The following OSBPL1A variants were observed in gnomAD, a reference collection of about 807,000 sequenced individuals.
The protein encoded by OSBPL1A is oxysterol-binding protein-related protein 1.
OSBPL1A carries 80 observed loss-of-function variants against 137.1 expected under a neutral mutation model. The observed-to-expected ratio is 0.58, with a 90% confidence interval of 0.49 to 0.70. The LOEUF is 0.70. Ranked by LOEUF, OSBPL1A falls within the 30% of genes least tolerant of loss-of-function variation. The pLI is 0.00. For missense variants in OSBPL1A, 970 were observed against 1,129.4 expected, an observed-to-expected ratio of 0.86 and a Z score of 2.02; for synonymous variants, 365 against 389.7, an observed-to-expected ratio of 0.94 and a Z score of 0.75.
At chr18:24,351,347 C>CAAAAAAAAAAAAAAAA (rs1172514692) in intron 4 of OSBPL1A, among the ~76,000 whole-genome samples, 370 of 35,708 alleles carry the variant, frequency 0.01, 20 homozygotes, top group East Asian at 0.04. Context: ...GACTCTGTCT[C>CAAAAAAAAAAAAAAAA]AAAAAAAAAA....
rs758311969 is a variant in OSBPL1A at position 24,178,214 on chromosome 18, A to G, written c.1911-19T>C. 1.8e-5 allele frequency: 28 copies of G among 1,519,204 alleles called. No individual in the cohort carries two copies. Among genetic ancestry groups the G allele is most frequent in the African/African-American group, 8.5e-5 (6 of 70,632 alleles). 94.1% of individuals were successfully genotyped at this position (1,519,204 alleles called of 1,614,324 possible). ...GTCATCTCTTAAGATTTAAAAAAAA[A>G]AAAAAAGAAAAAAAAAAGCAACATT... On this transcript the variant is annotated intron_variant, in intron 20 of 27. Coordinates refer to ENST00000319481, the MANE Select transcript of OSBPL1A (RefSeq NM_080597.4).
intron 7 of OSBPL1A, among the ~76,000 whole-genome samples, chr18:24,332,191 C>A (rs1038270057): frequency 1.3e-5 from 2 of 151,676 alleles, no homozygotes; most frequent in African/African-American, 2.4e-5. Context: ...GCCTGGCCAA[C>A]ATGGTGAAAC....
chr18:24,382,968 T>C (rs1302489547), intron 1 of OSBPL1A, among the ~76,000 whole-genome samples: 1 of 152,206 alleles, frequency 6.6e-6, no homozygotes, highest in Non-Finnish European at 1.5e-5. Flanking sequence ...ATGGTACTTA[T>C]ATAGATTAAG....
chr18:24,380,839 C>A (rs1044574298), intron 1 of OSBPL1A, among the ~76,000 whole-genome samples: 1 of 151,854 alleles, frequency 6.6e-6, no homozygotes, highest in Non-Finnish European at 1.5e-5. Flanking sequence ...GTAATCCCAG[C>A]TACTTGGGAG....
At chr18:24,272,185 C>T in intron 15 of OSBPL1A, 1 of 983,728 alleles carries the variant, frequency 1.0e-6, no homozygotes, top group Non-Finnish European at 1.2e-6. Context: ...CCTGCGAGGT[C>T]CTAGAGCTGC....
intron 14 of OSBPL1A, among the ~76,000 whole-genome samples, chr18:24,293,654 A>G (rs1329465311): frequency 6.6e-6 from 1 of 152,212 alleles, no homozygotes; most frequent in African/African-American, 2.4e-5. Flanking sequence ...ACAGCACACG[A>G]AAGGCCACTG....
intron 4 of OSBPL1A, among the ~76,000 whole-genome samples, chr18:24,365,038 A>C (rs1209057248): frequency 1.5e-4 from 23 of 151,804 alleles, no homozygotes; most frequent in African/African-American, 5.6e-4. Context: ...AAAAAAAAAA[A>C]AAAAAAAAAA....
chr18:24,311,971 T>A lies in OSBPL1A; in HGVS notation c.1092+13A>T. ...AGATAGCTATAAAGGTCAGGTTACA[T>A]TTTCCTATTTACCTCTAATGATTTC... On this transcript the variant is annotated intron_variant, in intron 13 of 27. Transcript: ENST00000319481. The A allele has an allele frequency of 6.2e-7, 1 of 1,613,622 alleles. No individual in the cohort carries two copies. The highest frequency in any genetic ancestry group is 1.1e-5 in the South Asian group (1 of 91,020).
intron 17 of OSBPL1A, among the ~76,000 whole-genome samples, chr18:24,210,968 T>G (rs1057058165): frequency 6.6e-6 from 1 of 151,892 alleles, no homozygotes; most frequent in South Asian, 2.1e-4. Context: ...CTTTTTTTTT[T>G]TGTTTGTTTG....
chr18:24,185,963 G>A (rs947900897), intron 18 of OSBPL1A, among the ~76,000 whole-genome samples: 3 of 152,102 alleles, frequency 2.0e-5, no homozygotes, highest in Non-Finnish European at 4.4e-5. Context: ...AGCTTCTTGG[G>A]AGGCCGAGGC....
chr18:24,275,298 A>G (rs2089819625), intron 15 of OSBPL1A, among the ~76,000 whole-genome samples: 1 of 152,214 alleles, frequency 6.6e-6, no homozygotes, highest in Admixed American at 6.5e-5. Context: ...TGCCTCCAGC[A>G]AAAGGCTAGA....
intron 2 of OSBPL1A, among the ~76,000 whole-genome samples, chr18:24,371,055 G>A (rs73394389): frequency 1.6e-4 from 25 of 152,080 alleles, no homozygotes; most frequent in East Asian, 1.2e-3. Flanking sequence ...TCACTTCAAC[G>A]TTTATCATAT....
At chr18:24,369,507 G>C (rs1309115536) in intron 2 of OSBPL1A, among the ~76,000 whole-genome samples, 1 of 152,172 alleles carries the variant, frequency 6.6e-6, no homozygotes, top group Non-Finnish European at 1.5e-5. Flanking sequence ...TGCAGGGAAA[G>C]AGCGATGGTT....
intron 15 of OSBPL1A, among the ~76,000 whole-genome samples, chr18:24,253,914 A>C (rs2089189692): frequency 6.6e-6 from 1 of 152,182 alleles, no homozygotes. Flanking sequence ...TCTTGTAGCT[A>C]ATTTGTTAGT....
At position 24,235,397 on chromosome 18, in the gene OSBPL1A, G is replaced by GT. The variant is rs1239155150; in HGVS notation, c.1444+3822dup. On this transcript the variant is annotated intron_variant, in intron 16 of 27. Transcript: ENST00000319481. ...AAGAAATGAGGCAGAGGAAAGTGAA[G>GT]TAACTTTCCCAAGAGTAGGGGAATG... Among the ~76,000 whole-genome samples the GT allele has an allele frequency of 5.9e-5, 8 of 135,140 alleles. No individual in the cohort carries two copies. The Admixed American group carries it at 6.8e-4, about 12-fold the overall frequency. 88.7% of individuals were successfully genotyped at this position (135,140 alleles called of 152,430 possible). A position where few individuals can be genotyped will look rare whatever the true frequency, so the allele number is the denominator to read the frequency against.
Position 24,374,513 on chromosome 18 carries a change from T to G in OSBPL1A, c.121+2900A>C, listed in dbSNP as rs1216456606. On this transcript the variant is annotated intron_variant, in intron 2 of 27. Transcript: ENST00000319481. ...CCGGGATGCAGGAAAAGACCCCCCC[T>G]AGATCGCCCATCTTAGCACTCCCCT... Among the ~76,000 whole-genome samples, 3 of 151,780 alleles carry G rather than the reference T, an allele frequency of 2.0e-5. No homozygotes were observed. The South Asian group carries it at 6.2e-4, about 32-fold the overall frequency.
chr18:24,173,838 ACTC>A (rs1167846233), intron 21 of OSBPL1A, among the ~76,000 whole-genome samples: 1 of 151,870 alleles, frequency 6.6e-6, no homozygotes, highest in Non-Finnish European at 1.5e-5. Context: ...ATCCTAAACA[ACTC>A]CTCCACCCAC....
At chr18:24,257,407 G>A (rs544174002) in intron 15 of OSBPL1A, among the ~76,000 whole-genome samples, 1 of 152,256 alleles carries the variant, frequency 6.6e-6, no homozygotes, top group Middle Eastern at 3.4e-3. Flanking sequence ...AAGTTGTACT[G>A]GAAAAACTGG....
intron 18 of OSBPL1A, among the ~76,000 whole-genome samples, chr18:24,187,708 T>A (rs547866436): frequency 6.6e-6 from 1 of 152,228 alleles, no homozygotes. Context: ...GGAAAGCAAG[T>A]ACGACTCAAT....
Sources: gnomAD v4.1 joint callset for allele counts (sites outside exome capture counted in the v4.1 genomes callset) on GRCh38, gnomAD v4.1.1 for gene constraint, MANE v1.5 for transcripts, NCBI Gene and HGNC (gene_info 2026-07-23, HGNC 2026-07-21) for gene names.